Variants in PRLR observed in about 807,000 individuals in gnomAD.
The protein encoded by PRLR is prolactin receptor, also known as hPRL receptor.
In PRLR, 13 loss-of-function variants were observed where a neutral mutation model predicts 40.2. That is an observed-to-expected ratio of 0.32 (90% CI 0.21 to 0.51). The LOEUF (loss-of-function observed/expected upper bound fraction) is 0.51. Ranked by LOEUF, PRLR falls within the 20% of genes least tolerant of loss-of-function variation. PRLR has a pLI of 0.97. For synonymous variants in PRLR, 269 were observed against 278.7 expected (o/e 0.97, Z 0.35); for missense variants, 656 against 747.3 (o/e 0.88, Z 1.42).
In PRLR at chr5:35,089,484, A is replaced by G. The variant is rs1451201345; in HGVS notation, c.70+67T>C. The G allele has an allele frequency of 4.6e-6, 5 of 1,092,746 alleles. No homozygotes were observed. In the African/African-American group the frequency reaches 6.2e-5, roughly 14 times the overall value. 67.7% of individuals were successfully genotyped at this position (1,092,746 alleles called of 1,614,324 possible). A position where few individuals can be genotyped will look rare whatever the true frequency, so the allele number is the denominator to read the frequency against. The stretch of plus-strand genomic sequence containing the variant: ...CATAATGGCATTGCAAGAAGACTGC[A>G]TGGACTCTCCACCCTGTTGACAAAC... On this transcript the variant is annotated intron_variant, in intron 3 of 9. Transcript: ENST00000618457.
chr5:35,157,439 AC>A (rs1774542945), intron 1 of PRLR, among the ~76,000 whole-genome samples: 1 of 152,074 alleles, frequency 6.6e-6, no homozygotes, highest in South Asian at 2.1e-4. Context: ...TGATGAGACA[AC>A]CCCTTCCAGG....
At chr5:35,129,280 A>C (rs747747044) in intron 1 of PRLR, among the ~76,000 whole-genome samples, 3 of 152,192 alleles carry the variant, frequency 2.0e-5, no homozygotes, top group Non-Finnish European at 4.4e-5. Flanking sequence ...TCTTAGTGTT[A>C]TTGACGTGCT....
At chr5:35,135,094 T>TG (rs1256997096) in intron 1 of PRLR, among the ~76,000 whole-genome samples, 1 of 138,922 alleles carries the variant, frequency 7.2e-6, no homozygotes, top group Admixed American at 6.7e-5. Context: ...ATTTGTGTTT[T>TG]TTTTTTTTCT....
At chr5:35,174,121 A>C in intron 1 of PRLR, among the ~76,000 whole-genome samples, 2 of 144,722 alleles carry the variant, frequency 1.4e-5, no homozygotes, top group Admixed American at 7.1e-5. Flanking sequence ...ACGGAGTCTC[A>C]CTCTGTCACC....
chr5:35,156,605 A>G (rs1305160031), intron 1 of PRLR, among the ~76,000 whole-genome samples: 1 of 152,156 alleles, frequency 6.6e-6, no homozygotes, highest in Non-Finnish European at 1.5e-5. Flanking sequence ...ATGCTCCTGA[A>G]TGTACCGGGC....
chr5:35,070,619 G>A (rs771677696), intron 6 of PRLR, among the ~76,000 whole-genome samples: 14 of 151,984 alleles, frequency 9.2e-5, no homozygotes, highest in South Asian at 2.1e-4. Context: ...CGAAGCAGGC[G>A]TATCACCTGA....
At chr5:35,206,057 T>C (rs911273774) in intron 1 of PRLR, among the ~76,000 whole-genome samples, 2 of 152,152 alleles carry the variant, frequency 1.3e-5, no homozygotes, top group Non-Finnish European at 2.9e-5. Context: ...GTTTATCATC[T>C]TCAACTGAAA....
intron 2 of PRLR, among the ~76,000 whole-genome samples, chr5:35,117,385 C>T (rs772798931): frequency 5.3e-5 from 8 of 152,156 alleles, no homozygotes; most frequent in Non-Finnish European, 8.8e-5. Flanking sequence ...AGAGTACAGC[C>T]TCAAAGTCGT....
intron 1 of PRLR, among the ~76,000 whole-genome samples, chr5:35,182,190 G>A (rs1775312484): frequency 6.6e-6 from 1 of 152,090 alleles, no homozygotes; most frequent in East Asian, 1.9e-4. Flanking sequence ...GTCAAATAAG[G>A]AACAACTCAT....
intron 1 of PRLR, among the ~76,000 whole-genome samples, chr5:35,167,182 TATCTATC>T (rs1248376044): frequency 6.8e-6 from 1 of 146,072 alleles, no homozygotes; most frequent in Non-Finnish European, 1.5e-5. Context: ...TCTATCTATC[TATCTATC>T]ATCTAACTCT....
intron 1 of PRLR, among the ~76,000 whole-genome samples, chr5:35,138,193 T>C (rs1488289023): frequency 6.6e-6 from 1 of 152,240 alleles, no homozygotes. Context: ...TTCAATTCTA[T>C]GCGAGAATTC....
chr5:35,153,186 G>T (rs1282632311), intron 1 of PRLR, among the ~76,000 whole-genome samples: 1 of 152,216 alleles, frequency 6.6e-6, no homozygotes, highest in Non-Finnish European at 1.5e-5. Flanking sequence ...TAAAAGAGAT[G>T]ATTAGTAGCG....
At chr5:35,194,706 A>G (rs1042618162) in intron 1 of PRLR, among the ~76,000 whole-genome samples, 24 of 152,212 alleles carry the variant, frequency 1.6e-4, no homozygotes, top group Admixed American at 9.8e-4. Context: ...ACTACATGAC[A>G]TTTCAGAAAA....
chr5:35,214,131 T>C (rs1776230864), intron 1 of PRLR, among the ~76,000 whole-genome samples: 1 of 152,232 alleles, frequency 6.6e-6, no homozygotes, highest in South Asian at 2.1e-4. Flanking sequence ...TTTCTGGGAA[T>C]TGTACACTGC....
At chr5:35,122,775 C>CA (rs1192341507) in intron 1 of PRLR, among the ~76,000 whole-genome samples, 8 of 152,306 alleles carry the variant, frequency 5.3e-5, no homozygotes, top group Non-Finnish European at 1.5e-5. Flanking sequence ...TCTTTTGGGG[C>CA]AGGCTGAACT....
At chr5:35,101,414 T>C (rs557581531) in intron 2 of PRLR, among the ~76,000 whole-genome samples, 7 of 152,264 alleles carry the variant, frequency 4.6e-5, no homozygotes, top group African/African-American at 1.7e-4. Context: ...TAATTTGAAC[T>C]CAAGGGCAGA....
At chr5:35,172,182 G>T (rs1370321665) in intron 1 of PRLR, among the ~76,000 whole-genome samples, 4 of 152,226 alleles carry the variant, frequency 2.6e-5, no homozygotes, top group Non-Finnish European at 5.9e-5. Context: ...TGAACATTCA[G>T]TCTGTACTAC....
In PRLR at chr5:35,056,403, C is replaced by CTAT. The variant is rs1319024303; in HGVS notation, c.*8683_*8685dup. The CTAT allele has an allele frequency of 6.6e-6, 1 of 152,100 alleles. No individual in the cohort carries two copies. The highest frequency in any genetic ancestry group is 2.4e-5 in the African/African-American group (1 of 41,422). 9.4% of individuals were successfully genotyped at this position (152,100 alleles called of 1,614,324 possible). On this transcript the variant is annotated 3_prime_UTR_variant, in exon 10 of 10. Transcript: ENST00000618457. ...CCCTGGTGGGGGCTTTTCAATAATT[C>CTAT]TATTTCTTATCCTTCTCCCTAGTCC...
downstream of PRLR, among the ~76,000 whole-genome samples, chr5:35,051,815 C>G (rs1002131040): frequency 6.6e-6 from 1 of 151,958 alleles, no homozygotes. Flanking sequence ...AAAGACACAC[C>G]TAAAACATAA....
Sources: gnomAD v4.1 joint callset for allele counts (sites outside exome capture counted in the v4.1 genomes callset) on GRCh38, gnomAD v4.1.1 for gene constraint, MANE v1.5 for transcripts, NCBI Gene and HGNC (gene_info 2026-07-23, HGNC 2026-07-21) for gene names.